Variants in PTPRG observed in about 807,000 individuals in gnomAD.
PTPRG encodes receptor-type tyrosine-protein phosphatase gamma.
Under a neutral mutation model 165.3 loss-of-function variants are expected in PTPRG, and 102 were observed. The ratio of observed to expected loss-of-function variants is 0.62; its 90% CI spans 0.53 to 0.73. PTPRG has a LOEUF of 0.73. Among genes scored for constraint, PTPRG ranks in the 30% least tolerant of loss-of-function variants. The pLI is 0.00. For missense variants in PTPRG, 1,866 were observed against 1,861.4 expected, an observed-to-expected ratio of 1.00 and a Z score of -0.05; for synonymous variants, 675 against 669.5, an observed-to-expected ratio of 1.01 and a Z score of -0.13.
At chr3:62,124,863 C>G (rs1307373123) in intron 5 of PTPRG, among the ~76,000 whole-genome samples, 1 of 152,198 alleles carries the variant, frequency 6.6e-6, no homozygotes. Context: ...TGGCCAGAAT[C>G]TTTCATAACA....
intron 1 of PTPRG, among the ~76,000 whole-genome samples, chr3:61,683,625 G>A (rs1034478293): frequency 6.6e-6 from 1 of 152,150 alleles, no homozygotes; most frequent in African/African-American, 2.4e-5. Flanking sequence ...CCTTTGAATT[G>A]TTTTCCTTTT....
At chr3:61,914,564 C>A (rs967936737) in intron 2 of PTPRG, among the ~76,000 whole-genome samples, 2 of 152,158 alleles carry the variant, frequency 1.3e-5, no homozygotes, top group Non-Finnish European at 2.9e-5. Flanking sequence ...AAGTATTCTT[C>A]GTAAATTAGT....
At chr3:61,762,467 C>A (rs1349937009) in intron 2 of PTPRG, among the ~76,000 whole-genome samples, 2 of 151,918 alleles carry the variant, frequency 1.3e-5, no homozygotes, top group Non-Finnish European at 2.9e-5. Flanking sequence ...AAAAAGTAGC[C>A]GGGTGTAGTG....
chr3:61,918,580 T>C (rs1353986263), intron 2 of PTPRG, among the ~76,000 whole-genome samples: 5 of 152,186 alleles, frequency 3.3e-5, no homozygotes, highest in Admixed American at 3.3e-4. Flanking sequence ...AAGCTCCTTA[T>C]ATTTAGTAAA....
chr3:62,196,141 T>G (rs183687815), intron 10 of PTPRG, among the ~76,000 whole-genome samples: 61 of 151,124 alleles, frequency 4.0e-4, no homozygotes, highest in African/African-American at 1.3e-3. Flanking sequence ...TCACACCTGT[T>G]ATCCCAGCAC....
chr3:61,865,242 T>C (rs1036645300), intron 2 of PTPRG, among the ~76,000 whole-genome samples: 1 of 152,152 alleles, frequency 6.6e-6, no homozygotes, highest in South Asian at 2.1e-4. Context: ...CTCTCAACTC[T>C]AGCCACCCAT....
intron 11 of PTPRG, among the ~76,000 whole-genome samples, chr3:62,202,090 G>C (rs1700108186): frequency 6.6e-6 from 1 of 152,018 alleles, no homozygotes; most frequent in Admixed American, 6.6e-5. Context: ...AGCCCACAAG[G>C]TCAGTGTTAC....
At chr3:62,117,377 A>G (rs911543459) in intron 5 of PTPRG, among the ~76,000 whole-genome samples, 1 of 152,232 alleles carries the variant, frequency 6.6e-6, no homozygotes, top group Non-Finnish European at 1.5e-5. Flanking sequence ...TTAACATTCT[A>G]AAATAACTGT....
At chr3:62,111,360 C>G (rs1405831739) in intron 5 of PTPRG, among the ~76,000 whole-genome samples, 1 of 152,198 alleles carries the variant, frequency 6.6e-6, no homozygotes, top group African/African-American at 2.4e-5. Context: ...AAAGTGATGT[C>G]TAGTCTAGCA....
At chr3:61,564,141 T>C (rs1413454862) in intron 1 of PTPRG, among the ~76,000 whole-genome samples, 1 of 152,226 alleles carries the variant, frequency 6.6e-6, no homozygotes, top group Non-Finnish European at 1.5e-5. Context: ...AACAGCTGCC[T>C]TCATTCACTA....
At chr3:61,716,738 C>T (rs372866176) in intron 1 of PTPRG, among the ~76,000 whole-genome samples, 26 of 152,240 alleles carry the variant, frequency 1.7e-4, no homozygotes, top group South Asian at 1.2e-3. Context: ...TTTGGAAGGC[C>T]GAGGTGGGTG....
intron 1 of PTPRG, among the ~76,000 whole-genome samples, chr3:61,618,031 G>A (rs1701345311): frequency 6.6e-6 from 1 of 152,154 alleles, no homozygotes; most frequent in African/African-American, 2.4e-5. Context: ...AGCTTACAAA[G>A]CGGCCAGGTG....
chr3:62,086,856 A>C, intron 5 of PTPRG, among the ~76,000 whole-genome samples: 1 of 145,322 alleles, frequency 6.9e-6, no homozygotes. Flanking sequence ...ATAGCCTATC[A>C]GGTGTTTTCA....
At chr3:61,803,368 A>C (rs2035305378) in intron 2 of PTPRG, among the ~76,000 whole-genome samples, 1 of 141,246 alleles carries the variant, frequency 7.1e-6, no homozygotes, top group Non-Finnish European at 1.5e-5. Context: ...GAAGTCTTTG[A>C]AATCTGATGT....
Position 62,217,327 on chromosome 3 carries a change from C to T in PTPRG, c.2156-1524C>T, listed in dbSNP as rs1486632997. Among the ~76,000 whole-genome samples the T allele has an allele frequency of 6.6e-6, 1 of 152,180 alleles. No homozygotes were observed. Among genetic ancestry groups the T allele is most frequent in the East Asian group, 1.9e-4 (1 of 5,180 alleles). On this transcript the variant is annotated intron_variant, in intron 12 of 29. Coordinates refer to ENST00000474889, the MANE Select transcript of PTPRG (RefSeq NM_002841.4). This position sits in a 1 kb window ranked among gnomAD's most constrained non-coding sequence, Gnocchi z 4.3. ...CAGGGGATACATCAGGTCCTGTCTG[C>T]GTCACAGGCCTGTGCCTGAAACAAA...
chr3:61,999,611 A>G (rs940977279), intron 3 of PTPRG, among the ~76,000 whole-genome samples: 1 of 152,068 alleles, frequency 6.6e-6, no homozygotes, highest in African/African-American at 2.4e-5. Context: ...ATTAAATTTT[A>G]TTTGTATTTA....
intron 28 of PTPRG, among the ~76,000 whole-genome samples, chr3:62,289,536 A>C (rs1423455820): frequency 5.9e-5 from 9 of 152,186 alleles, no homozygotes; most frequent in Non-Finnish European, 1.3e-4. Context: ...AGTATATTAA[A>C]AGAATTACAC....
At chr3:61,801,653 G>T (rs2035246739) in intron 2 of PTPRG, among the ~76,000 whole-genome samples, 1 of 152,124 alleles carries the variant, frequency 6.6e-6, no homozygotes, top group Non-Finnish European at 1.5e-5. Context: ...CGCTTCTCAA[G>T]ACGGTTAGGG....
chr3:61,741,445 A>G (rs2032979770), intron 1 of PTPRG, among the ~76,000 whole-genome samples: 1 of 152,130 alleles, frequency 6.6e-6, no homozygotes, highest in Non-Finnish European at 1.5e-5. Flanking sequence ...CTTTGTTCTG[A>G]TGTTTTCAAT....
Sources: allele counts gnomAD v4.1 joint callset (sites outside exome capture counted in the v4.1 genomes callset), GRCh38; gene constraint gnomAD v4.1.1; non-coding constraint Gnocchi (gnomAD v3.1); transcripts MANE v1.5; gene names NCBI Gene and HGNC (gene_info 2026-07-23, HGNC 2026-07-21).